The following TMEM67 variants were observed in gnomAD, a reference collection of about 807,000 sequenced individuals.
TMEM67 encodes the protein meckelin.
In TMEM67, 124 loss-of-function variants were observed where a neutral mutation model predicts 136.6. The ratio of observed to expected loss-of-function variants is 0.91; its 90% CI spans 0.78 to 1.05. The LOEUF is 1.05. Ranked by LOEUF, TMEM67 falls within the 50% of genes least tolerant of loss-of-function variation. The pLI is 0.00. For synonymous variants in TMEM67, 364 were observed against 390.5 expected, an observed-to-expected ratio of 0.93 and a Z score of 0.80; for missense variants, 1,107 against 1,178.4, an observed-to-expected ratio of 0.94 and a Z score of 0.89.
intron 10 of TMEM67, among the ~76,000 whole-genome samples, chr8:93,781,980 G>A (rs531567169): frequency 2.6e-5 from 4 of 151,712 alleles, no homozygotes; most frequent in South Asian, 2.1e-4. Context: ...GTGCAGTGGC[G>A]CGATCTCAGC....
chr8:93,823,444 C>T (rs1008547728), downstream of TMEM67, among the ~76,000 whole-genome samples: 3 of 150,468 alleles, frequency 2.0e-5, no homozygotes, highest in South Asian at 2.1e-4. Context: ...TGTGTGGGGG[C>T]GTTATTTTGC....
intron 7 of TMEM67, among the ~76,000 whole-genome samples, chr8:93,774,873 C>G (rs1257082859): frequency 6.6e-6 from 1 of 152,036 alleles, no homozygotes; most frequent in Non-Finnish European, 1.5e-5. Context: ...GGGTATATAC[C>G]CAGTAATGGG....
Position 93,781,498 on chromosome 8 carries a change from GT to G in TMEM67, c.979-159del, listed in dbSNP as rs140011862. ...CAAAAAACCAGTCTAATTCTTTCAGGTCTATTTAGTCATAGAAATAGATTAA... is the reference window on the plus strand; with the variant it reads ...CAAAAAACCAGTCTAATTCTTTCAGGCTATTTAGTCATAGAAATAGATTAA... On this transcript the variant is annotated intron_variant, in intron 9 of 27. Transcript: ENST00000453321. Among the ~76,000 whole-genome samples, 5,043 of 152,170 alleles carry G rather than the reference GT, an allele frequency of 0.033. 262 individuals carry two copies. The highest frequency in any genetic ancestry group is 0.11 in the African/African-American group (4,730 of 41,482).
intron 6 of TMEM67, among the ~76,000 whole-genome samples, chr8:93,771,847 C>T (rs1163213143): frequency 6.6e-6 from 1 of 152,156 alleles, no homozygotes; most frequent in African/African-American, 2.4e-5. Context: ...ATTAAATATA[C>T]ACAAATAGTA....
chr8:93,809,885 A>G lies in TMEM67; in HGVS notation c.2762A>G (p.Asn921Ser), dbSNP rs1017836696. 7 of 1,581,378 alleles carry G rather than the reference A, an allele frequency of 4.4e-6. No individual in the cohort carries two copies. Among genetic ancestry groups the G allele is most frequent in the Non-Finnish European group, 5.2e-6 (6 of 1,150,818 alleles). ...CCAATGGAAAAAAGCATCTTTTACAATGGTATCTTCTAAATCCCTTTGTAG... is the reference window on the plus strand; with the variant it reads ...CCAATGGAAAAAAGCATCTTTTACAGTGGTATCTTCTAAATCCCTTTGTAG... ...MEPMEKSIFY[N>S]DEGYSFSSVL... Residue 921 changes from asparagine to serine, a missense_variant and splice_region_variant, in exon 26 of 28, where the codon AAT becomes AGT. Asn to Ser is a conservative substitution (Grantham distance 46, BLOSUM62 1). Coordinates refer to ENST00000453321, the MANE Select transcript of TMEM67 (RefSeq NM_153704.6).
chr8:93,831,700 GTT>G, the TMEM67 span, among the ~76,000 whole-genome samples: 372 of 152,202 alleles, frequency 2.4e-3, no homozygotes, highest in Non-Finnish European at 3.6e-3. Context: ...GTGTGTGTGT[GTT>G]TGTGCTTGTG....
chr8:93,757,375 C>G (rs779791211), intron 2 of TMEM67, among the ~76,000 whole-genome samples: 4 of 151,518 alleles, frequency 2.6e-5, no homozygotes, highest in Non-Finnish European at 4.4e-5. Flanking sequence ...CGGTGGCTCA[C>G]GCCTGTAATC....
In TMEM67 at chr8:93,763,937, G is replaced by C. The variant is rs761727772; in HGVS notation, c.502G>C (p.Asp168His). The C allele has an allele frequency of 7.5e-6, 12 of 1,607,492 alleles. No homozygotes were observed. The highest frequency in any genetic ancestry group is 6.6e-5 in the South Asian group (6 of 90,912). ...NSFMVVNALGDRCVRCEPTFV... is the reference protein window; with the variant it reads ...NSFMVVNALGHRCVRCEPTFV... ...TTTTATGGTAGTAAATGCTTTAGGA[G>C]ACAGGTAAGCAGTGTGATGGGGGCT... is the stretch of plus-strand genomic sequence containing the variant. Residue 168 changes from aspartate to histidine, a missense_variant, in exon 4 of 28, where the codon GAC (aspartate) becomes CAC (histidine). This residue lies in a region of TMEM67 where 925 missense variants were observed against 1,002.4 expected (regional missense o/e 0.92). Transcript: ENST00000453321.
At chr8:93,799,245 A>T (rs1348849923) in intron 20 of TMEM67, among the ~76,000 whole-genome samples, 29 of 152,194 alleles carry the variant, frequency 1.9e-4, no homozygotes. Context: ...AAAAATGTTT[A>T]GTACAGTGCC....
At chr8:93,784,860 G>T (rs79927442) in intron 11 of TMEM67, among the ~76,000 whole-genome samples, 242 of 152,180 alleles carry the variant, frequency 1.6e-3, no homozygotes, top group African/African-American at 5.4e-3. Context: ...GAAAAAATTG[G>T]GAATTTATCC....
chr8:93,755,670 TA>T, intron 1 of TMEM67, 107 bp from the exon 2 acceptor site: 2 of 760,332 alleles, frequency 2.6e-6, no homozygotes, highest in East Asian at 5.4e-5. Context: ...TTAATCACTA[TA>T]CTGCTTCTCA....
Position 93,780,915 on chromosome 8 carries a change from G to GATT in TMEM67, c.913_915dup (p.Leu305dup). 6.2e-7 allele frequency: 1 copy of GATT among 1,612,488 alleles called. No individual in the cohort carries two copies. The highest frequency in any genetic ancestry group is 1.1e-5 in the South Asian group (1 of 90,994). ...TGGCTGTTTTATGGAGACCAGTTAG[G>GATT]ATTAGCACCTCAAGTGCTCAGTTCT... On this transcript the variant is annotated inframe_insertion, in exon 9 of 28. Coordinates refer to ENST00000453321, the MANE Select transcript of TMEM67 (RefSeq NM_153704.6).
intron 12 of TMEM67, chr8:93,785,678 T>C: frequency 3.7e-6 from 1 of 273,110 alleles, no homozygotes; most frequent in East Asian, 7.7e-5. Flanking sequence ...TATGCTTTTT[T>C]GGACAAATTA....
intron 3 of TMEM67, among the ~76,000 whole-genome samples, chr8:93,762,340 CTT>C (rs1177022994): frequency 6.3e-5 from 9 of 142,646 alleles, no homozygotes; most frequent in African/African-American, 1.3e-4. Context: ...TTATCTTTAC[CTT>C]TTTTTTTTTT....
chr8:93,767,753 A>T (rs1299377879), intron 6 of TMEM67, among the ~76,000 whole-genome samples: 1 of 136,920 alleles, frequency 7.3e-6, no homozygotes. Context: ...ACATGTCCCC[A>T]TCATTCTTTG....
intron 7 of TMEM67, among the ~76,000 whole-genome samples, chr8:93,777,652 G>A (rs754585790): frequency 6.6e-6 from 1 of 152,098 alleles, no homozygotes; most frequent in Non-Finnish European, 1.5e-5. Flanking sequence ...TTTCCATGTC[G>A]TTGTGTGGTT....
At chr8:93,767,868 T>C (rs988039023) in intron 6 of TMEM67, among the ~76,000 whole-genome samples, 1 of 147,846 alleles carries the variant, frequency 6.8e-6, no homozygotes, top group Non-Finnish European at 1.5e-5. Context: ...TTTTTCTTTT[T>C]TTTTTTTTTT....
intron 7 of TMEM67, among the ~76,000 whole-genome samples, chr8:93,779,644 G>T (rs976704488): frequency 6.6e-6 from 1 of 152,196 alleles, no homozygotes; most frequent in Non-Finnish European, 1.5e-5. Flanking sequence ...CTGCAGGTCT[G>T]TTGGAGTTTG....
intron 23 of TMEM67, among the ~76,000 whole-genome samples, chr8:93,807,218 T>G (rs564969387): frequency 6.6e-6 from 1 of 152,262 alleles, no homozygotes; most frequent in Admixed American, 6.5e-5. Flanking sequence ...GGAAAGTGTT[T>G]GGGCAATGTA....
Sources: gnomAD v4.1 joint callset for allele counts (sites outside exome capture counted in the v4.1 genomes callset) on GRCh38, gnomAD v4.1.1 for gene constraint, gnomAD v4.1.1 regional missense constraint, MANE v1.5 for transcripts, NCBI Gene and HGNC (gene_info 2026-07-23, HGNC 2026-07-21) for gene names.